The following ANO6 variants were observed in gnomAD, a reference collection of about 807,000 sequenced individuals.
ANO6 encodes the protein anoctamin 6, also known as anoctamin-6.
In ANO6, 106 loss-of-function variants were observed where a neutral mutation model predicts 117.5. The observed-to-expected ratio is 0.90, with a 90% CI of 0.77 to 1.06. ANO6 has a LOEUF of 1.06. ANO6 is among the 50% of genes least tolerant of loss of function. The pLI, the probability that ANO6 is intolerant of heterozygous loss-of-function variation, is 0.00. For synonymous variants in ANO6, 367 were observed against 385.1 expected, an observed-to-expected ratio of 0.95 and a Z score of 0.55; for missense variants, 955 against 1,121.1, an observed-to-expected ratio of 0.85 and a Z score of 2.12.
intron 3 of ANO6, among the ~76,000 whole-genome samples, chr12:45,333,452 A>G (rs935097603): frequency 5.3e-5 from 8 of 152,070 alleles, no homozygotes; most frequent in African/African-American, 1.7e-4. Context: ...CTAATACATT[A>G]AAGTATAAAA....
chr12:45,311,993 A>G (rs759364953), intron 2 of ANO6, among the ~76,000 whole-genome samples: 5 of 152,040 alleles, frequency 3.3e-5, no homozygotes, highest in East Asian at 1.9e-4. Flanking sequence ...CTTTCTCCAT[A>G]TAACAGTGTT....
At chr12:45,386,056 TAAAAACAAAACAAAAC>T (rs1321453747) in intron 10 of ANO6, among the ~76,000 whole-genome samples, 2 of 152,058 alleles carry the variant, frequency 1.3e-5, no homozygotes, top group Non-Finnish European at 2.9e-5. Context: ...TATTAAACCT[TAAAAACAAAACAAAAC>T]AAAAACAAAC....
chr12:45,383,815 C>G (rs1445610708), intron 10 of ANO6, among the ~76,000 whole-genome samples: 1 of 152,168 alleles, frequency 6.6e-6, no homozygotes, highest in Non-Finnish European at 1.5e-5. Context: ...TCACATAATT[C>G]TTAAAGGCCC....
At chr12:45,264,866 G>A (rs1319992385) in intron 1 of ANO6, among the ~76,000 whole-genome samples, 1 of 152,166 alleles carries the variant, frequency 6.6e-6, no homozygotes, top group Non-Finnish European at 1.5e-5. Context: ...AACGTACAAA[G>A]CCAACACACC....
intron 2 of ANO6, among the ~76,000 whole-genome samples, chr12:45,319,305 A>T (rs1453124053): frequency 6.6e-6 from 1 of 152,190 alleles, no homozygotes; most frequent in Non-Finnish European, 1.5e-5. Flanking sequence ...TACCTAGTTG[A>T]TTCAGAGTTT....
Position 45,302,097 on chromosome 12 carries a change from A to G in ANO6, c.150+4A>G. 1.2e-6 allele frequency: 2 copies of G among 1,612,834 alleles called. No homozygotes were observed. Among genetic ancestry groups the G allele is most frequent in the East Asian group, 4.5e-5 (2 of 44,860 alleles). On this transcript the variant is annotated splice_donor_region_variant and intron_variant, in intron 2 of 19. Transcript: ENST00000320560. ...TGATTTTCGAACCCCGGAGTTTGTG[A>G]GTACTATTCCTTTATCTTAAATTTG...
intron 15 of ANO6, among the ~76,000 whole-genome samples, chr12:45,406,334 T>G (rs1942934221): frequency 6.6e-6 from 1 of 152,226 alleles, no homozygotes; most frequent in South Asian, 2.1e-4. Context: ...CAGCTCCACC[T>G]TAGTGTTTTG....
intron 1 of ANO6, among the ~76,000 whole-genome samples, chr12:45,276,842 G>A (rs1938570902): frequency 6.6e-6 from 1 of 152,150 alleles, no homozygotes; most frequent in Non-Finnish European, 1.5e-5. Context: ...AATTGGGGGA[G>A]AAATGAAAAG....
At chr12:45,308,788 C>T (rs1317004471) in intron 2 of ANO6, among the ~76,000 whole-genome samples, 1 of 152,126 alleles carries the variant, frequency 6.6e-6, no homozygotes, top group Non-Finnish European at 1.5e-5. Context: ...TACCACACTG[C>T]CCTGCTGTGT....
intron 19 of ANO6, among the ~76,000 whole-genome samples, chr12:45,428,138 C>G (rs562015090): frequency 3.3e-5 from 5 of 152,150 alleles, no homozygotes; most frequent in African/African-American, 4.8e-5. Flanking sequence ...AGATAATGCT[C>G]TAGGATTCAA....
At chr12:45,275,019 T>G (rs1259745925) in intron 1 of ANO6, among the ~76,000 whole-genome samples, 2 of 151,892 alleles carry the variant, frequency 1.3e-5, no homozygotes, top group Admixed American at 6.6e-5. Context: ...GTTTGTTGTC[T>G]CTATCCCAGT....
intron 19 of ANO6, among the ~76,000 whole-genome samples, chr12:45,438,327 C>T (rs1404201370): frequency 6.6e-6 from 1 of 151,932 alleles, no homozygotes; most frequent in East Asian, 1.9e-4. Flanking sequence ...TCATTCCAAG[C>T]TGTTTTCCTG....
At chr12:45,328,711 A>G (rs78058854) in intron 2 of ANO6, among the ~76,000 whole-genome samples, 5,410 of 152,228 alleles carry the variant, frequency 0.036, 352 homozygotes, top group African/African-American at 0.12. Flanking sequence ...TTACTGAAAA[A>G]TAGAAGATTC....
chr12:45,308,860 G>A (rs544242126), intron 2 of ANO6, among the ~76,000 whole-genome samples: 1 of 152,148 alleles, frequency 6.6e-6, no homozygotes, highest in South Asian at 2.1e-4. Context: ...CCAGAGTTGG[G>A]GCTTTGTAGA....
At chr12:45,330,382 AATG>A (rs1940623301) in intron 2 of ANO6, among the ~76,000 whole-genome samples, 1 of 152,164 alleles carries the variant, frequency 6.6e-6, no homozygotes, top group African/African-American at 2.4e-5. Context: ...AAGTTATACA[AATG>A]ATTGCAAAAT....
intron 10 of ANO6, among the ~76,000 whole-genome samples, chr12:45,385,387 C>T (rs1942271983): frequency 6.6e-6 from 1 of 152,102 alleles, no homozygotes; most frequent in African/African-American, 2.4e-5. Context: ...ATATGCAATA[C>T]TGGCAGTAGG....
intron 2 of ANO6, among the ~76,000 whole-genome samples, chr12:45,307,125 A>G (rs1361496618): frequency 6.6e-6 from 1 of 152,128 alleles, no homozygotes; most frequent in Admixed American, 6.6e-5. Context: ...TGAGTTGGGA[A>G]GTCATTTGAG....
At chr12:45,289,412 T>C (rs1419297290) in intron 1 of ANO6, among the ~76,000 whole-genome samples, 1 of 152,062 alleles carries the variant, frequency 6.6e-6, no homozygotes, top group Non-Finnish European at 1.5e-5. Flanking sequence ...CCACCCGCCT[T>C]GGCCTCCCAA....
At chr12:45,245,368 A>G (rs1327703892) in intron 1 of ANO6, among the ~76,000 whole-genome samples, 1 of 151,858 alleles carries the variant, frequency 6.6e-6, no homozygotes. Context: ...TAATATAAAT[A>G]TTGGAGGCAT....
Sources: gnomAD v4.1 joint callset for allele counts (sites outside exome capture counted in the v4.1 genomes callset) on GRCh38, gnomAD v4.1.1 for gene constraint, MANE v1.5 for transcripts, NCBI Gene and HGNC (gene_info 2026-07-23, HGNC 2026-07-21) for gene names.